Variants in ARMC9 observed in about 807,000 individuals in gnomAD.
The protein encoded by ARMC9 is armadillo repeat containing 9, also known as lisH domain-containing protein ARMC9.
Under a neutral mutation model 107.0 loss-of-function variants are expected in ARMC9, and 94 were observed. The observed-to-expected ratio is 0.88, with a 90% CI of 0.74 to 1.04. The LOEUF (loss-of-function observed/expected upper bound fraction) is 1.04. Among genes scored for constraint, ARMC9 ranks in the 50% least tolerant of loss-of-function variants. The probability of loss-of-function intolerance (pLI) is 0.00; values close to 1 mark genes in which losing one functional copy is unlikely to be tolerated. For missense variants in ARMC9, 942 were observed against 1,030.1 expected, an observed-to-expected ratio of 0.91 and a Z score of 1.17; for synonymous variants, 380 against 396.9, an observed-to-expected ratio of 0.96 and a Z score of 0.51.
chr2:231,237,674 C>G (rs902495076), intron 8 of ARMC9, among the ~76,000 whole-genome samples: 1 of 144,068 alleles, frequency 6.9e-6, no homozygotes, highest in Non-Finnish European at 1.5e-5. Flanking sequence ...TAAAACTTGG[C>G]ATTCTGCATA....
intron 17 of ARMC9, among the ~76,000 whole-genome samples, chr2:231,285,411 T>A (rs1356944788): frequency 6.6e-6 from 1 of 151,412 alleles, no homozygotes; most frequent in Admixed American, 6.6e-5. Context: ...TTTGGGAGGC[T>A]GAGGTGGGTG....
At chr2:231,206,900 T>C (rs1266537308) in intron 2 of ARMC9, among the ~76,000 whole-genome samples, 18 of 152,224 alleles carry the variant, frequency 1.2e-4, no homozygotes, top group Admixed American at 8.5e-4. Flanking sequence ...CACCTGCAGG[T>C]TGCGAGAGCC....
At chr2:231,353,832 C>T (rs766951513) in intron 21 of ARMC9, among the ~76,000 whole-genome samples, 2 of 152,068 alleles carry the variant, frequency 1.3e-5, no homozygotes, top group Non-Finnish European at 2.9e-5. Flanking sequence ...TCAATTGACA[C>T]CCCTGCCACA....
rs773125461 is a variant in ARMC9 at position 231,370,079 on chromosome 2, G to A, written c.2388G>A (p.Gln796=). The change falls in exon 24 of 25, where the codon CAG becomes CAA. Residue 796 remains glutamine (Q), a synonymous_variant. Transcript: ENST00000611582. ...TGTTCTCTTCGTGTGGCCCCCAGCA[G>A]GCCAGCCGCCCCGGCTCCACAGCGT... The part of the protein sequence containing the change: ...APLFSSCGPQ[Q]ASRPGSTASS... 10 of 1,534,690 alleles carry A rather than the reference G, an allele frequency of 6.5e-6. No homozygotes were observed. In the African/African-American group the frequency reaches 1.4e-4, roughly 21 times the overall value.
intron 19 of ARMC9, among the ~76,000 whole-genome samples, chr2:231,321,744 C>T (rs927316963): frequency 1.3e-5 from 2 of 152,128 alleles, no homozygotes; most frequent in Non-Finnish European, 2.9e-5. Context: ...ATTTCGGTTA[C>T]CCTCTTCCTC....
chr2:231,314,259 A>G (rs2042536386), intron 19 of ARMC9, among the ~76,000 whole-genome samples: 1 of 151,554 alleles, frequency 6.6e-6, no homozygotes, highest in African/African-American at 2.4e-5. Flanking sequence ...TTGTGTTTTT[A>G]GTAGAGATGG....
At chr2:231,341,459 G>T (rs1327890585) in intron 20 of ARMC9, among the ~76,000 whole-genome samples, 1 of 152,218 alleles carries the variant, frequency 6.6e-6, no homozygotes, top group African/African-American at 2.4e-5. Flanking sequence ...GCCCCTAGCT[G>T]CACGGGAGTC....
chr2:231,293,354 G>T (rs1003666015), intron 18 of ARMC9, among the ~76,000 whole-genome samples: 1 of 152,068 alleles, frequency 6.6e-6, no homozygotes, highest in East Asian at 1.9e-4. Flanking sequence ...GCACATCCGC[G>T]CCATAGTCAT....
chr2:231,368,830 G>A (rs912116047), intron 23 of ARMC9, among the ~76,000 whole-genome samples: 13 of 151,996 alleles, frequency 8.6e-5, no homozygotes, highest in South Asian at 6.2e-4. Flanking sequence ...TCACCATGCC[G>A]GCCAGGCTGG....
At chr2:231,314,524 A>G (rs1195326711) in intron 19 of ARMC9, among the ~76,000 whole-genome samples, 2 of 152,176 alleles carry the variant, frequency 1.3e-5, no homozygotes, top group Admixed American at 6.5e-5. Context: ...CAACCTTGGC[A>G]CTATTGACAT....
chr2:231,301,883 G>A (rs1030944383), intron 19 of ARMC9, among the ~76,000 whole-genome samples: 1 of 151,990 alleles, frequency 6.6e-6, no homozygotes, highest in East Asian at 1.9e-4. Context: ...GTAGTCTGAG[G>A]CGCAAGAATC....
intron 11 of ARMC9, 151 bp from the exon 12 acceptor site, chr2:231,262,155 A>G (rs145273476): frequency 7.0e-6 from 5 of 716,488 alleles, no homozygotes; most frequent in African/African-American, 5.3e-5. Flanking sequence ...TTGGCTGGTT[A>G]ACTTGCCACC....
intron 10 of ARMC9, 48 bp downstream of exon 10, chr2:231,256,668 T>C: frequency 6.3e-7 from 1 of 1,584,088 alleles, no homozygotes; most frequent in South Asian, 1.1e-5. Context: ...CAGCAATGTG[T>C]AAAACGGGAA....
At chr2:231,343,940 C>G (rs922283183) in intron 20 of ARMC9, among the ~76,000 whole-genome samples, 1 of 151,780 alleles carries the variant, frequency 6.6e-6, no homozygotes, top group Non-Finnish European at 1.5e-5. Context: ...ATTATTATAA[C>G]CTGATTTTTA....
chr2:231,367,289 C>G (rs920045633), intron 23 of ARMC9, among the ~76,000 whole-genome samples: 2 of 152,104 alleles, frequency 1.3e-5, no homozygotes, highest in African/African-American at 4.8e-5. Context: ...CTGGGCCCTG[C>G]CGCCCAGGCT....
chr2:231,216,516 G>T lies in ARMC9; in HGVS notation c.349-122G>T. On this transcript the variant is annotated intron_variant, in intron 4 of 24. Coordinates refer to ENST00000611582, the MANE Select transcript of ARMC9 (RefSeq NM_001352754.2). ...AATTCTAGAGACAATGCACCTGCCA[G>T]GTTAGATAGGGGATGCCAGCGACAC... is the stretch of plus-strand genomic sequence containing the variant. 2.7e-6 allele frequency: 3 copies of T among 1,109,300 alleles called. No homozygotes were observed. In the South Asian group the frequency reaches 4.6e-5, roughly 17 times the overall value. The allele number at this position is 1,109,300 out of a possible 1,614,324, so 68.7% of individuals were successfully genotyped here.
At chr2:231,287,946 G>A (rs548740018) in intron 17 of ARMC9, among the ~76,000 whole-genome samples, 12 of 152,340 alleles carry the variant, frequency 7.9e-5, no homozygotes, top group African/African-American at 2.9e-4. Flanking sequence ...CCGGAAGGTA[G>A]AGTAGTTGAG....
At chr2:231,210,776 A>G (rs1019479375) in intron 3 of ARMC9, among the ~76,000 whole-genome samples, 4 of 152,346 alleles carry the variant, frequency 2.6e-5, no homozygotes, top group South Asian at 4.1e-4. Context: ...TAAAGATAAC[A>G]TAAAATGTAT....
intron 7 of ARMC9, among the ~76,000 whole-genome samples, chr2:231,232,679 G>A (rs1308892876): frequency 6.6e-6 from 1 of 151,406 alleles, no homozygotes; most frequent in Non-Finnish European, 1.5e-5. Flanking sequence ...TTGAACTGCT[G>A]ACCTCAGGTG....
Sources: gnomAD v4.1 joint callset for allele counts (sites outside exome capture counted in the v4.1 genomes callset) on GRCh38, gnomAD v4.1.1 for gene constraint, MANE v1.5 for transcripts, NCBI Gene and HGNC (gene_info 2026-07-23, HGNC 2026-07-21) for gene names.